The following HOXB3 variants were observed in gnomAD, a reference collection of about 807,000 sequenced individuals.
HOXB3 encodes the protein homeobox protein Hox-B3.
In HOXB3, 17 loss-of-function variants were observed where a neutral mutation model predicts 29.2. The ratio of observed to expected loss-of-function variants is 0.58; its 90% confidence interval spans 0.40 to 0.87. HOXB3 has a LOEUF of 0.87. HOXB3 is among the 40% of genes least tolerant of loss of function. The pLI is 0.00. For synonymous variants in HOXB3, 317 were observed against 285.9 expected, an observed-to-expected ratio of 1.11 and a Z score of -1.10; for missense variants, 637 against 616.3, an observed-to-expected ratio of 1.03 and a Z score of -0.35.
intron 1 of HOXB3, chr17:48,576,153 T>A (rs1259717090): frequency 6.5e-6 from 1 of 152,770 alleles, no homozygotes; most frequent in Non-Finnish European, 1.5e-5. Context: ...TATCTGGCAG[T>A]CAGAGGGTGC....
intron 1 of HOXB3, chr17:48,577,957 G>A (rs2069821356): frequency 3.0e-6 from 4 of 1,318,710 alleles, no homozygotes; most frequent in African/African-American, 1.5e-5. Context: ...TCTGGGCGCA[G>A]GGAGGCGGCG....
At chr17:48,566,223 A>G (rs928760146) in intron 2 of HOXB3, among the ~76,000 whole-genome samples, 1 of 152,100 alleles carries the variant, frequency 6.6e-6, no homozygotes, top group African/African-American at 2.4e-5. Context: ...GTATATATAA[A>G]CAACAAAGTC....
chr17:48,550,209 G>T lies in HOXB3; in HGVS notation c.*125C>A, dbSNP rs561419370. Reference sequence around the variant, plus strand: ...GGGGAAGGGAAGGAGCTCCAGGCCGGTTCTGACCAGGAAGCCTGGGTACCA... The same window carrying T: ...GGGGAAGGGAAGGAGCTCCAGGCCGTTTCTGACCAGGAAGCCTGGGTACCA... On this transcript the variant is annotated 3_prime_UTR_variant, in exon 5 of 5. Coordinates refer to ENST00000498678, the MANE Select transcript of HOXB3 (RefSeq NM_001384749.1). The T allele has an allele frequency of 5.2e-6, 7 of 1,336,992 alleles. No individual in the cohort carries two copies. Among genetic ancestry groups the T allele is most frequent in the African/African-American group, 4.4e-5 (3 of 68,604 alleles). The allele number at this position is 1,336,992 out of a possible 1,614,324, so 82.8% of individuals were successfully genotyped here.
At chr17:48,553,730 A>AATG (rs1436199306) in intron 3 of HOXB3, 1 of 152,048 alleles carries the variant, frequency 6.6e-6, no homozygotes, top group African/African-American at 2.4e-5. Context: ...ATTTTAATAC[A>AATG]GCCTTTTAAA....
chr17:48,577,861 A>T, intron 1 of HOXB3: 1 of 1,400,966 alleles, frequency 7.1e-7, no homozygotes, highest in Non-Finnish European at 9.3e-7. Flanking sequence ...CCACGCACTC[A>T]CCCGTGCTCA....
At chr17:48,576,966 C>G (rs1470015703) in intron 1 of HOXB3, 1 of 1,613,240 alleles carries the variant, frequency 6.2e-7, no homozygotes, top group Non-Finnish European at 8.5e-7. Flanking sequence ...GACCTGCTGG[C>G]GCGTGTAGGC....
At chr17:48,575,188 C>T (rs1004460368) in intron 1 of HOXB3, 8 of 152,224 alleles carry the variant, frequency 5.3e-5, no homozygotes, top group Admixed American at 1.3e-4. Context: ...AAGGCTTTGC[C>T]GTACTTAAGC....
chr17:48,555,158 T>C (rs1348040491), intron 3 of HOXB3, among the ~76,000 whole-genome samples: 1 of 151,896 alleles, frequency 6.6e-6, no homozygotes, highest in Non-Finnish European at 1.5e-5. Flanking sequence ...ATAGGCCATC[T>C]TCCAGGACTT....
intron 4 of HOXB3, 31 bp downstream of exon 4, chr17:48,551,996 G>T: frequency 6.5e-7 from 1 of 1,526,790 alleles, no homozygotes; most frequent in Non-Finnish European, 8.8e-7. Flanking sequence ...TCCGACAAAA[G>T]CTGAGGACAA....
chr17:48,577,148 GAGC>G, intron 1 of HOXB3: 1 of 921,904 alleles, frequency 1.1e-6, no homozygotes, highest in Non-Finnish European at 1.5e-6. Flanking sequence ...TTCTGAGGGA[GAGC>G]GGGGAAAAAC....
chr17:48,550,493 G>A lies in HOXB3; in HGVS notation c.1137C>T (p.His379=). The part of the protein sequence containing the change: ...SLYGLNHLSH[H]PSGNLDYNGA... ...CGTTGTAGTCCAGGTTCCCGGAAGGGTGATGGGAAAGGTGGTTGAGGCCAT... is the reference window on the plus strand; with the variant it reads ...CGTTGTAGTCCAGGTTCCCGGAAGGATGATGGGAAAGGTGGTTGAGGCCAT... Residue 379 remains histidine, a synonymous_variant, in exon 5 of 5, where the codon CAC becomes CAT. Transcript: ENST00000498678. The A allele has an allele frequency of 6.2e-7, 1 of 1,605,856 alleles. No homozygotes were observed. The highest frequency in any genetic ancestry group is 8.5e-7 in the Non-Finnish European group (1 of 1,178,108).
intron 2 of HOXB3, among the ~76,000 whole-genome samples, chr17:48,562,974 T>C (rs1038647169): frequency 6.6e-6 from 1 of 152,140 alleles, no homozygotes; most frequent in African/African-American, 2.4e-5. Flanking sequence ...AACAGAGATT[T>C]TGGGGGAATT....
Position 48,550,524 on chromosome 17 carries a change from G to T in HOXB3, c.1106C>A (p.Ser369Tyr), listed in dbSNP as rs1470917092. Reference protein sequence around the residue: ...ADPLPPPAGPSLYGLNHLSHH... With the variant: ...ADPLPPPAGPYLYGLNHLSHH... ...GGAAAGGTGGTTGAGGCCATAGAGG[G>T]AGGGGCCGGCAGGGGGCGGCAGCGG... The change falls in exon 5 of 5, where the codon TCC (serine) becomes TAC (tyrosine). Residue 369 changes from serine to tyrosine, a missense_variant. Ser to Tyr is a moderately radical substitution (Grantham distance 144). Coordinates refer to ENST00000498678, the MANE Select transcript of HOXB3 (RefSeq NM_001384749.1). The T allele has an allele frequency of 5.7e-6, 9 of 1,571,268 alleles. No homozygotes were observed. In the African/African-American group the frequency reaches 1.2e-4, roughly 22 times the overall value.
At chr17:48,576,645 T>G in intron 1 of HOXB3, 35 of 559,046 alleles carry the variant, frequency 6.3e-5, no homozygotes, top group East Asian at 1.9e-4. Context: ...CAGGGCCCCC[T>G]CCTGTCCCCC....
At chr17:48,570,380 G>A (rs1156524253) in intron 2 of HOXB3, among the ~76,000 whole-genome samples, 1 of 152,186 alleles carries the variant, frequency 6.6e-6, no homozygotes, top group Non-Finnish European at 1.5e-5. Flanking sequence ...ATGGGATGGG[G>A]GGTGGGGATG....
At chr17:48,576,555 G>T in intron 1 of HOXB3, 1 of 521,852 alleles carries the variant, frequency 1.9e-6, no homozygotes, top group Non-Finnish European at 3.2e-6. Context: ...TATAAATAAA[G>T]CTTCCCCTCC....
chr17:48,577,816 T>C lies in HOXB3; in HGVS notation c.-424-3802A>G, dbSNP rs187188313. 7.2e-4 allele frequency: 980 copies of C among 1,364,356 alleles called. 6 individuals carry two copies. The African/African-American group carries it at 0.013, about 19-fold the overall frequency. The allele number at this position is 1,364,356 out of a possible 1,614,324, so 84.5% of individuals were successfully genotyped here. A position where few individuals can be genotyped will look rare whatever the true frequency, so the allele number is the denominator to read the frequency against. On this transcript the variant is annotated intron_variant, in intron 1 of 4. Coordinates refer to ENST00000498678, the MANE Select transcript of HOXB3 (RefSeq NM_001384749.1). ...ACCCATGCCTCCGAAGTCCCTTTGG[T>C]GTAAAGCTCCAGGGGTGGGAGGGGG...
intron 2 of HOXB3, among the ~76,000 whole-genome samples, chr17:48,573,039 C>T (rs11870626): frequency 0.071 from 10,760 of 152,218 alleles, 526 homozygotes; most frequent in Non-Finnish European, 0.1. Context: ...ACATTCAGGT[C>T]GGCTGCAGAG....
rs773338030 is a variant in HOXB3 at position 48,550,605 on chromosome 17, C to A, written c.1025G>T (p.Gly342Val). Residue 342 changes from glycine to valine, a missense_variant, in exon 5 of 5, where the codon GGG (glycine) becomes GTG (valine). By Grantham distance (109) the Gly-to-Val change is moderately radical. Coordinates refer to ENST00000498678, the MANE Select transcript of HOXB3 (RefSeq NM_001384749.1). ...CGGACTGCCCTGCATGGTGGGCGTC[C>A]CGTAGGCGCCCCCGTTGGCTTGGAG... ...HVLQANGGAY[G>V]TPTMQGSPVY... 6.6e-7 allele frequency: 1 copy of A among 1,520,684 alleles called. No homozygotes were observed. Among genetic ancestry groups the A allele is most frequent in the South Asian group, 1.3e-5 (1 of 76,420 alleles). 94.2% of individuals were successfully genotyped at this position (1,520,684 alleles called of 1,614,324 possible).
Sources: gnomAD v4.1 joint callset for allele counts (sites outside exome capture counted in the v4.1 genomes callset) on GRCh38, gnomAD v4.1.1 for gene constraint, MANE v1.5 for transcripts, NCBI Gene and HGNC (gene_info 2026-07-23, HGNC 2026-07-21) for gene names.